The following SLC2A13 variants were observed in gnomAD, a reference collection of about 807,000 sequenced individuals.
SLC2A13 encodes the protein proton myo-inositol cotransporter.
A neutral mutation model predicts 64.4 loss-of-function variants in SLC2A13; 32 were observed. The observed-to-expected ratio is 0.50, with a 90% CI of 0.37 to 0.67. SLC2A13 has a LOEUF of 0.67. Ranked by LOEUF, SLC2A13 falls within the 30% of genes least tolerant of loss-of-function variation. SLC2A13 has a pLI of 0.00. For synonymous variants in SLC2A13, 338 were observed against 327.1 expected, an observed-to-expected ratio of 1.03 and a Z score of -0.36; for missense variants, 743 against 829.2, an observed-to-expected ratio of 0.90 and a Z score of 1.28.
chr12:39,920,822 C>T (rs1316679272), intron 4 of SLC2A13, among the ~76,000 whole-genome samples: 2 of 152,094 alleles, frequency 1.3e-5, no homozygotes, highest in Non-Finnish European at 1.5e-5. Flanking sequence ...ACACACCTGA[C>T]TAGACCTTAG....
chr12:39,888,745 A>C (rs1221000095), intron 4 of SLC2A13, among the ~76,000 whole-genome samples: 1 of 152,212 alleles, frequency 6.6e-6, no homozygotes, highest in African/African-American at 2.4e-5. Flanking sequence ...CAATCTTTTG[A>C]ATATAGTGTT....
At chr12:39,898,229 C>T (rs1363657466) in intron 4 of SLC2A13, among the ~76,000 whole-genome samples, 1 of 152,022 alleles carries the variant, frequency 6.6e-6, no homozygotes, top group Admixed American at 6.6e-5. Flanking sequence ...CTATAGATAC[C>T]TATTATCAAA....
At chr12:39,958,127 C>T (rs1946348514) in intron 3 of SLC2A13, among the ~76,000 whole-genome samples, 1 of 152,090 alleles carries the variant, frequency 6.6e-6, no homozygotes, top group Admixed American at 6.5e-5. Flanking sequence ...TTTGAGTGCT[C>T]CTTCTCTCTT....
Position 39,864,882 on chromosome 12 carries a change from C to A in SLC2A13, c.1199G>T (p.Gly400Val). The change falls in exon 6 of 10, where the codon GGT (glycine) becomes GTT (valine). Residue 400 changes from glycine to valine, a missense_variant and splice_region_variant. Physicochemically the swap from Gly to Val is moderately radical, Grantham distance 109 (BLOSUM62 -3). Around this residue, in one of 2 missense-constraint regions of SLC2A13, gnomAD observed 295 missense variants for 381.7 expected, o/e 0.77. Coordinates refer to ENST00000280871, the MANE Select transcript of SLC2A13 (RefSeq NM_052885.4). ...AAGAATAATGAGTGCTACGGTGGTA[C>A]CTTAAAAAAAAAAAGTTTTATATTA... is the stretch of plus-strand genomic sequence containing the variant. ...RRKLTFGSLA[G>V]TTVALIILAL... 10 of 1,592,628 alleles carry A rather than the reference C, an allele frequency of 6.3e-6. No homozygotes were observed. The highest frequency in any genetic ancestry group is 3.6e-5 in the Admixed American group (2 of 55,792).
intron 4 of SLC2A13, among the ~76,000 whole-genome samples, chr12:39,899,126 T>G (rs1194172007): frequency 2.0e-5 from 3 of 152,270 alleles, no homozygotes; most frequent in South Asian, 2.1e-4. Context: ...TCTTTTTGGT[T>G]GGTAAGCTAT....
chr12:39,980,122 C>G (rs1465380464), intron 3 of SLC2A13, among the ~76,000 whole-genome samples: 2 of 151,582 alleles, frequency 1.3e-5, no homozygotes, highest in South Asian at 2.1e-4. Context: ...CAAGCAAATG[C>G]TGAGAGATTT....
chr12:39,966,125 G>GTATA (rs71441878), intron 3 of SLC2A13, among the ~76,000 whole-genome samples: 18 of 147,224 alleles, frequency 1.2e-4, no homozygotes, highest in Admixed American at 7.0e-4. Context: ...ATGTGTGTGT[G>GTATA]TATATATATA....
intron 4 of SLC2A13, among the ~76,000 whole-genome samples, chr12:39,925,394 T>A (rs533241871): frequency 1.3e-5 from 2 of 152,144 alleles, no homozygotes; most frequent in African/African-American, 4.8e-5. Flanking sequence ...ATGAACTAAA[T>A]GTATTTTAAT....
At chr12:39,784,480 T>A (rs2135748924) in intron 7 of SLC2A13, among the ~76,000 whole-genome samples, 1 of 152,322 alleles carries the variant, frequency 6.6e-6, no homozygotes, top group East Asian at 1.9e-4. Flanking sequence ...GGGGAAAGGA[T>A]TCCCTACTTA....
chr12:39,791,077 T>C (rs1226519460), intron 7 of SLC2A13, among the ~76,000 whole-genome samples: 3 of 146,374 alleles, frequency 2.0e-5, no homozygotes, highest in African/African-American at 7.6e-5. Context: ...GTTTGTTTTT[T>C]TCTTGTAAAT....
intron 4 of SLC2A13, among the ~76,000 whole-genome samples, chr12:39,910,392 T>G (rs531110751): frequency 2.0e-5 from 3 of 150,840 alleles, no homozygotes; most frequent in Non-Finnish European, 4.4e-5. Context: ...AAAGTCAAGG[T>G]TTTTTTTGAG....
At chr12:40,031,836 CAAAA>C (rs1211084425) in intron 2 of SLC2A13, among the ~76,000 whole-genome samples, 2 of 151,988 alleles carry the variant, frequency 1.3e-5, no homozygotes, top group Non-Finnish European at 2.9e-5. Flanking sequence ...CAACATGAGA[CAAAA>C]AGAGAAGGCT....
At chr12:39,818,807 G>A (rs939803445) in intron 7 of SLC2A13, among the ~76,000 whole-genome samples, 5 of 152,070 alleles carry the variant, frequency 3.3e-5, no homozygotes, top group Non-Finnish European at 2.9e-5. Flanking sequence ...ATGTAGAAAA[G>A]TTTCTACATA....
intron 9 of SLC2A13, 133 bp downstream of exon 9, chr12:39,764,327 A>ATGG (rs1283929958): frequency 1.3e-6 from 1 of 779,528 alleles, no homozygotes; most frequent in East Asian, 2.9e-5. Context: ...TTTGGAGGAC[A>ATGG]AGAAAGCCAC....
chr12:40,008,571 A>G (rs1592001789), intron 3 of SLC2A13, among the ~76,000 whole-genome samples: 1 of 151,826 alleles, frequency 6.6e-6, no homozygotes, highest in South Asian at 2.1e-4. Context: ...AGGTTTCACC[A>G]CTACACTCCA....
chr12:39,864,823 G>C lies in SLC2A13; in HGVS notation c.1258C>G (p.Pro420Ala). 1 of 1,613,960 alleles carries C rather than the reference G, an allele frequency of 6.2e-7. No homozygotes were observed. Among genetic ancestry groups the C allele is most frequent in the South Asian group, 1.1e-5 (1 of 91,066 alleles). ...LGFVLSAQVS[P>A]RITFKPIAPS... ...GCTATTGGCTTAAAAGTGATGCGTG[G>C]GGAAACTTGGGCTGATAGCACAAAT... Residue 420 changes from proline to alanine, a missense_variant, in exon 6 of 10, where the codon CCA becomes GCA. Pro to Ala is a conservative substitution (Grantham distance 27). Transcript: ENST00000280871.
rs1942810353 is a variant in SLC2A13, at chr12:39,830,083, T to C, written c.1445+20A>G. ...TTTGAAATATTATTATATATTCGTA[T>C]GGTAAAATGAGTGATATACCTGCCC... On this transcript the variant is annotated intron_variant, in intron 7 of 9. Transcript: ENST00000280871. The C allele has an allele frequency of 1.9e-6, 3 of 1,613,190 alleles. No individual in the cohort carries two copies. Among genetic ancestry groups the C allele is most frequent in the South Asian group, 2.2e-5 (2 of 91,006 alleles).
At chr12:40,094,653 A>C (rs531487620) in intron 1 of SLC2A13, among the ~76,000 whole-genome samples, 1 of 152,354 alleles carries the variant, frequency 6.6e-6, no homozygotes, top group East Asian at 1.9e-4. Context: ...GATAGGGTTC[A>C]GAAAAAAAGG....
chr12:40,030,506 T>TG (rs917990294), intron 2 of SLC2A13, among the ~76,000 whole-genome samples: 1 of 152,044 alleles, frequency 6.6e-6, no homozygotes, highest in Non-Finnish European at 1.5e-5. Context: ...GTCCTAAAGG[T>TG]GAAAGCCTTT....
Sources: gnomAD v4.1 joint callset for allele counts (sites outside exome capture counted in the v4.1 genomes callset) on GRCh38, gnomAD v4.1.1 for gene constraint, gnomAD v4.1.1 regional missense constraint, MANE v1.5 for transcripts, NCBI Gene and HGNC (gene_info 2026-07-23, HGNC 2026-07-21) for gene names.